GRM7: variants seen among roughly 807,000 people sequenced by gnomAD.
GRM7 encodes metabotropic glutamate receptor 7.
Under a neutral mutation model 84.5 loss-of-function variants are expected in GRM7, and 35 were observed. That is an observed-to-expected ratio of 0.41 (90% CI 0.32 to 0.55). GRM7 has a LOEUF of 0.55. Ranked by LOEUF, GRM7 falls within the 20% of genes least tolerant of loss-of-function variation. The probability of loss-of-function intolerance (pLI) is 0.19; values close to 1 mark genes in which losing one functional copy is unlikely to be tolerated. For synonymous variants in GRM7, 487 were observed against 455.1 expected (o/e 1.07, Z -0.89); for missense variants, 1,003 against 1,194.6 (o/e 0.84, Z 2.36).
chr3:6,962,690 C>G (rs1227694667), intron 1 of GRM7, among the ~76,000 whole-genome samples: 14 of 152,114 alleles, frequency 9.2e-5, no homozygotes, highest in Non-Finnish European at 1.5e-4. Flanking sequence ...ACTAGTAGTG[C>G]CAAGAGTGGG....
At chr3:6,894,891 G>T (rs1410423415) in intron 1 of GRM7, among the ~76,000 whole-genome samples, 1 of 152,174 alleles carries the variant, frequency 6.6e-6, no homozygotes, top group African/African-American at 2.4e-5. Flanking sequence ...TTTTCTCTAG[G>T]AGATGGAAAG....
At chr3:7,528,741 T>G (rs1700909120) in intron 7 of GRM7, among the ~76,000 whole-genome samples, 1 of 152,092 alleles carries the variant, frequency 6.6e-6, no homozygotes, top group African/African-American at 2.4e-5. Flanking sequence ...TGTAAAGATT[T>G]TTTTTTATTT....
intron 2 of GRM7, among the ~76,000 whole-genome samples, chr3:7,225,887 T>C (rs1696967373): frequency 6.6e-6 from 1 of 152,156 alleles, no homozygotes; most frequent in East Asian, 1.9e-4. Flanking sequence ...ATAATGACTT[T>C]TGATCTGGAT....
intron 1 of GRM7, among the ~76,000 whole-genome samples, chr3:6,987,476 C>G (rs1172940328): frequency 3.3e-5 from 5 of 151,876 alleles, no homozygotes; most frequent in Middle Eastern, 3.2e-3. Flanking sequence ...GAGAAGACCT[C>G]TCGAAGACAT....
intron 5 of GRM7, among the ~76,000 whole-genome samples, chr3:7,433,783 A>C (rs1463403020): frequency 6.6e-6 from 1 of 152,216 alleles, no homozygotes; most frequent in Non-Finnish European, 1.5e-5. Flanking sequence ...GCTTACAAAA[A>C]ATGGGATTGA....
intron 8 of GRM7, among the ~76,000 whole-genome samples, chr3:7,647,153 G>A (rs894439145): frequency 6.6e-6 from 1 of 152,176 alleles, no homozygotes; most frequent in Admixed American, 6.5e-5. Context: ...ATGTGGGTGT[G>A]GACCCTCAGC....
At chr3:7,031,536 C>A (rs1696182988) in intron 1 of GRM7, among the ~76,000 whole-genome samples, 1 of 152,062 alleles carries the variant, frequency 6.6e-6, no homozygotes, top group Admixed American at 6.5e-5. Flanking sequence ...CCTGCCCCAG[C>A]CTCCCGAGTA....
chr3:7,440,581 G>C (rs1697246956), intron 5 of GRM7, among the ~76,000 whole-genome samples: 1 of 152,154 alleles, frequency 6.6e-6, no homozygotes, highest in South Asian at 2.1e-4. Context: ...TCGGGGCTTG[G>C]TGTACATATT....
At chr3:7,459,671 C>T (rs113265945) in intron 6 of GRM7, among the ~76,000 whole-genome samples, 7 of 151,968 alleles carry the variant, frequency 4.6e-5, no homozygotes, top group Non-Finnish European at 7.4e-5. Context: ...GGAAACTGCC[C>T]GCATGATTCA....
Position 7,426,873 on chromosome 3 carries a change from C to T in GRM7, c.1174+11710C>T, listed in dbSNP as rs866712228. 3.3e-5 allele frequency among the ~76,000 whole-genome samples: 5 copies of T among 152,290 alleles called. No homozygotes were observed. The South Asian group carries it at 8.3e-4, about 25-fold the overall frequency. ...GAAACTACTAATTTTACTTTCCAGG[C>T]TTAAAACCAAAAATCTGCTTTGCAT... On this transcript the variant is annotated intron_variant, in intron 5 of 9. Transcript: ENST00000357716.
chr3:7,074,258 C>T (rs1045437877), intron 1 of GRM7, among the ~76,000 whole-genome samples: 8 of 152,144 alleles, frequency 5.3e-5, no homozygotes, highest in Admixed American at 2.0e-4. Flanking sequence ...GTTGCACTAG[C>T]GGTGAGTGGT....
intron 4 of GRM7, among the ~76,000 whole-genome samples, chr3:7,351,389 C>T (rs79858821): frequency 6.0e-5 from 9 of 150,120 alleles, no homozygotes; most frequent in African/African-American, 1.2e-4. Flanking sequence ...CTGACCCAAC[C>T]CTCCTTCATC....
chr3:7,705,249 C>A (rs1044306398), intron 9 of GRM7, among the ~76,000 whole-genome samples: 1 of 152,170 alleles, frequency 6.6e-6, no homozygotes, highest in African/African-American at 2.4e-5. Flanking sequence ...GAAAGAACTT[C>A]TTAGATACAA....
At chr3:7,353,748 G>A (rs1575208889) in intron 4 of GRM7, among the ~76,000 whole-genome samples, 3 of 152,190 alleles carry the variant, frequency 2.0e-5, no homozygotes, top group East Asian at 3.9e-4. Context: ...TCACTCAATT[G>A]GAAAACATAT....
At chr3:6,997,841 G>A (rs1694875635) in intron 1 of GRM7, among the ~76,000 whole-genome samples, 1 of 151,900 alleles carries the variant, frequency 6.6e-6, no homozygotes, top group African/African-American at 2.4e-5. Context: ...AAAACCAAAA[G>A]CAAGTTAGGG....
In GRM7 at chr3:7,235,768, A is replaced by G. The variant is rs914091609; in HGVS notation, c.737-62916A>G. ...ACAAGATGTGAGGAATATAACATAC[A>G]TATAATTTTTTCTTTATCCAGAATT... On this transcript the variant is annotated intron_variant, in intron 2 of 9. Transcript: ENST00000357716. Among the ~76,000 whole-genome samples, 4 of 152,352 alleles carry G rather than the reference A, an allele frequency of 2.6e-5. No individual in the cohort carries two copies. The South Asian group carries it at 6.2e-4, about 24-fold the overall frequency.
intron 7 of GRM7, among the ~76,000 whole-genome samples, chr3:7,575,590 C>T (rs558367922): frequency 4.3e-4 from 66 of 152,224 alleles, no homozygotes; most frequent in African/African-American, 1.5e-3. Context: ...TGATATACAT[C>T]ACATTAACAA....
At chr3:6,974,647 G>A (rs891442041) in intron 1 of GRM7, among the ~76,000 whole-genome samples, 5 of 152,156 alleles carry the variant, frequency 3.3e-5, no homozygotes, top group Non-Finnish European at 5.9e-5. Context: ...AAGAGGTCGT[G>A]ATCAACTGTG....
At chr3:7,712,454 C>A (rs1701614046) in intron 9 of GRM7, among the ~76,000 whole-genome samples, 2 of 152,002 alleles carry the variant, frequency 1.3e-5, no homozygotes, top group Non-Finnish European at 2.9e-5. Flanking sequence ...CTTACCCTTG[C>A]ACTTTTTTGT....
Sources: gnomAD v4.1 joint callset for allele counts (sites outside exome capture counted in the v4.1 genomes callset) on GRCh38, gnomAD v4.1.1 for gene constraint, MANE v1.5 for transcripts, NCBI Gene and HGNC (gene_info 2026-07-23, HGNC 2026-07-21) for gene names.